Variants in GRIK4 observed in about 807,000 individuals in gnomAD.
The protein encoded by GRIK4 is glutamate receptor ionotropic, kainate 4.
In GRIK4, 40 loss-of-function variants were observed where a neutral mutation model predicts 104.9. The ratio of observed to expected loss-of-function variants is 0.38; its 90% CI spans 0.30 to 0.50. The LOEUF is 0.50. Among genes scored for constraint, GRIK4 ranks in the 20% least tolerant of loss-of-function variants. GRIK4 has a pLI of 0.93. For missense variants in GRIK4, 1,047 were observed against 1,308.1 expected, an observed-to-expected ratio of 0.80 and a Z score of 3.08; for synonymous variants, 485 against 524.9, an observed-to-expected ratio of 0.92 and a Z score of 1.04.
intron 3 of GRIK4, among the ~76,000 whole-genome samples, chr11:120,766,105 A>C (rs1951834788): frequency 6.6e-6 from 1 of 152,134 alleles, no homozygotes; most frequent in African/African-American, 2.4e-5. Flanking sequence ...TTTTATCTAT[A>C]AGCTGCTGAC....
chr11:120,760,434 C>CAT (rs34870881), intron 3 of GRIK4, among the ~76,000 whole-genome samples: 47,649 of 146,292 alleles, frequency 0.33, 8,250 homozygotes, highest in African/African-American at 0.45. Flanking sequence ...CATATATATA[C>CAT]ATATATATAT....
At chr11:120,606,508 CTG>C (rs1197624918) in intron 1 of GRIK4, among the ~76,000 whole-genome samples, 2 of 152,240 alleles carry the variant, frequency 1.3e-5, no homozygotes, top group African/African-American at 2.4e-5. Flanking sequence ...AGGGGAGAAA[CTG>C]TGTCCTCCCA....
intron 3 of GRIK4, among the ~76,000 whole-genome samples, chr11:120,792,617 G>C (rs1008401496): frequency 3.3e-5 from 5 of 152,102 alleles, no homozygotes; most frequent in Non-Finnish European, 4.4e-5. Flanking sequence ...GAGAAATTTT[G>C]AGGAAGTACA....
At chr11:120,730,019 C>G (rs1215343911) in intron 3 of GRIK4, among the ~76,000 whole-genome samples, 1 of 152,156 alleles carries the variant, frequency 6.6e-6, no homozygotes, top group African/African-American at 2.4e-5. Flanking sequence ...ATTGAAGAGA[C>G]TGTCTTTTCC....
chr11:120,784,535 C>T (rs1008246374), intron 3 of GRIK4, among the ~76,000 whole-genome samples: 2 of 152,148 alleles, frequency 1.3e-5, no homozygotes, highest in African/African-American at 2.4e-5. Context: ...GTTGTAGACT[C>T]TAGCAGGCAT....
chr11:120,814,906 C>T (rs1952903875), intron 4 of GRIK4, among the ~76,000 whole-genome samples: 2 of 152,254 alleles, frequency 1.3e-5, no homozygotes, highest in Non-Finnish European at 2.9e-5. Context: ...CTCTTCCTGT[C>T]TGCGTCATCC....
intron 13 of GRIK4, among the ~76,000 whole-genome samples, chr11:120,916,799 A>G (rs1357446106): frequency 1.3e-5 from 2 of 152,222 alleles, no homozygotes; most frequent in East Asian, 3.8e-4. Context: ...CTCATTCCCA[A>G]GATACCTCAT....
chr11:120,860,436 C>T (rs1232552565), intron 8 of GRIK4, among the ~76,000 whole-genome samples: 1 of 152,106 alleles, frequency 6.6e-6, no homozygotes, highest in Admixed American at 6.5e-5. Flanking sequence ...CAGGCTAACA[C>T]GTGGCCCCAC....
rs143720097 is a variant in GRIK4, at chr11:120,524,842, G to C, written c.-159+12955G>C. ...CAGGGCACTGGGCAGGTCAGGATTG[G>C]GTACTGTGGTGGCAGAGAGCCCCAG... On this transcript the variant is annotated intron_variant, in intron 1 of 20. Coordinates refer to ENST00000527524, the MANE Select transcript of GRIK4 (RefSeq NM_014619.5). This position sits in a 1 kb window ranked among gnomAD's most constrained non-coding sequence, Gnocchi z 4.5. Among the ~76,000 whole-genome samples the C allele has an allele frequency of 3.3e-3, 510 of 152,268 alleles. 1 individual carries two copies. The highest frequency in any genetic ancestry group is 0.011 in the African/African-American group (462 of 41,538).
At chr11:120,708,506 C>T (rs1220028746) in intron 3 of GRIK4, among the ~76,000 whole-genome samples, 1 of 151,572 alleles carries the variant, frequency 6.6e-6, no homozygotes, top group East Asian at 2.0e-4. Flanking sequence ...GAGGTGCTAG[C>T]CCTGGCAGCT....
chr11:120,626,656 G>A (rs763124686), intron 1 of GRIK4, among the ~76,000 whole-genome samples: 7 of 152,084 alleles, frequency 4.6e-5, no homozygotes, highest in Non-Finnish European at 1.0e-4. Context: ...TAGGCATCCC[G>A]GAGCTCATTG....
At chr11:120,843,329 C>T (rs577279556) in intron 8 of GRIK4, among the ~76,000 whole-genome samples, 3 of 152,308 alleles carry the variant, frequency 2.0e-5, no homozygotes, top group Admixed American at 1.3e-4. Context: ...CAGTGGGCAC[C>T]CAGAGTTTTT....
Position 120,815,280 on chromosome 11 carries a change from T to G in GRIK4, c.248-98T>G, listed in dbSNP as rs1402679864. On this transcript the variant is annotated intron_variant, in intron 4 of 20. Coordinates refer to ENST00000527524, the MANE Select transcript of GRIK4 (RefSeq NM_014619.5). ...GCCTGGGCAGCGGGTGTGCAGAAGG[T>G]GAGGGGGCAGCGGGTGAAGAGGAGA... 4 of 700,382 alleles carry G rather than the reference T, an allele frequency of 5.7e-6. No homozygotes were observed. The Admixed American group carries it at 7.3e-5, about 13-fold the overall frequency. The allele number at this position is 700,382 out of a possible 1,614,324, so 43.4% of individuals were successfully genotyped here.
At chr11:120,954,782 T>TACAC (rs768646075) in intron 15 of GRIK4, among the ~76,000 whole-genome samples, 75 of 107,984 alleles carry the variant, frequency 6.9e-4, no homozygotes, top group South Asian at 3.8e-3. Context: ...TCTCTCTCAC[T>TACAC]ACACACACAC....
chr11:120,516,320 G>A (rs1281070149), intron 1 of GRIK4, among the ~76,000 whole-genome samples: 1 of 152,154 alleles, frequency 6.6e-6, no homozygotes, highest in African/African-American at 2.4e-5. Flanking sequence ...GGGTGCTCAG[G>A]AATGGGGGAA....
chr11:120,911,332 G>A (rs1176190380), intron 13 of GRIK4, among the ~76,000 whole-genome samples: 9 of 149,058 alleles, frequency 6.0e-5, no homozygotes, highest in Non-Finnish European at 1.3e-4. Context: ...TCCGCCTCCC[G>A]GGTTCACGCC....
chr11:120,770,300 C>G (rs1951917986), intron 3 of GRIK4, among the ~76,000 whole-genome samples: 1 of 152,236 alleles, frequency 6.6e-6, no homozygotes, highest in Non-Finnish European at 1.5e-5. Flanking sequence ...CTCCCAGCAT[C>G]TGTTTATGCC....
intron 13 of GRIK4, chr11:120,936,315 C>A: frequency 2.0e-6 from 1 of 511,076 alleles, no homozygotes; most frequent in Non-Finnish European, 3.9e-6. Context: ...AGGATGTTCT[C>A]CTTTGATGTG....
chr11:120,832,467 C>T (rs76965179), intron 7 of GRIK4, among the ~76,000 whole-genome samples: 1,615 of 152,312 alleles, frequency 0.011, 18 homozygotes, highest in Middle Eastern at 0.027. Flanking sequence ...AGTCCTGACA[C>T]GGTGCACAAC....
Sources: allele counts gnomAD v4.1 joint callset (sites outside exome capture counted in the v4.1 genomes callset), GRCh38; gene constraint gnomAD v4.1.1; non-coding constraint Gnocchi (gnomAD v3.1); transcripts MANE v1.5; gene names NCBI Gene and HGNC (gene_info 2026-07-23, HGNC 2026-07-21).